Variants in INSL6 observed in about 807,000 individuals in gnomAD.
INSL6 encodes insulin-like peptide INSL6.
Under a neutral mutation model 9.4 loss-of-function variants are expected in INSL6, and 16 were observed. That is an observed-to-expected ratio of 1.70 (90% CI 1.15 to 2.59). The LOEUF (loss-of-function observed/expected upper bound fraction) is 2.59, where lower values mean the gene tolerates loss of function less well. Among genes scored for constraint, INSL6 ranks in the 30% most tolerant of loss-of-function variants. The pLI is 0.00. For missense variants in INSL6, 391 were observed against 257.3 expected (o/e 1.52, Z -3.56); for synonymous variants, 154 against 96.9 (o/e 1.59, Z -3.46).
chr9:5,100,232 C>T, the INSL6 span: 1 of 152,174 alleles, frequency 6.6e-6, no homozygotes, highest in Non-Finnish European at 1.5e-5. Context: ...TATGACAACA[C>T]ATAATGACCC....
the INSL6 span, chr9:5,095,120 C>G: frequency 3.3e-5 from 5 of 152,158 alleles, no homozygotes; most frequent in Non-Finnish European, 7.4e-5. Context: ...CCCTGAGACT[C>G]CAAAATTCTC....
the INSL6 span, chr9:5,112,179 G>C: frequency 2.6e-5 from 7 of 266,026 alleles, no homozygotes; most frequent in Non-Finnish European, 5.3e-5. Context: ...GCCACCGGGC[G>C]CTGGCCTTGG....
chr9:5,105,415 G>C, the INSL6 span, among the ~76,000 whole-genome samples: 1 of 152,130 alleles, frequency 6.6e-6, no homozygotes, highest in East Asian at 1.9e-4. Context: ...AAATACAAGA[G>C]GACACAAACA....
At chr9:5,080,447 T>G in the INSL6 span, 2 of 1,544,690 alleles carry the variant, frequency 1.3e-6, no homozygotes, top group African/African-American at 2.8e-5. Flanking sequence ...TCACATGATT[T>G]GTATTTTTTA....
chr9:5,072,044 G>T, the INSL6 span, among the ~76,000 whole-genome samples: 2 of 152,088 alleles, frequency 1.3e-5, no homozygotes, highest in Non-Finnish European at 2.9e-5. Context: ...TTCAGATGAA[G>T]AAACCACGAC....
chr9:5,036,625 T>G, the INSL6 span, among the ~76,000 whole-genome samples: 2 of 152,268 alleles, frequency 1.3e-5, no homozygotes, highest in South Asian at 2.1e-4. Flanking sequence ...GATTCCCTAT[T>G]TAATAAATGG....
intron 1 of INSL6, among the ~76,000 whole-genome samples, chr9:5,177,533 T>C (rs1590803): frequency 0.37 from 56,358 of 152,046 alleles, 11,571 homozygotes; most frequent in African/African-American, 0.57. Context: ...GTTTTACAGA[T>C]TCTGGCCCTG....
chr9:5,133,121 G>A (rs1824322888), intron 3 of INSL6, among the ~76,000 whole-genome samples: 1 of 152,064 alleles, frequency 6.6e-6, no homozygotes, highest in Admixed American at 6.6e-5. Flanking sequence ...ATCATATAAA[G>A]CACAGAAATA....
chr9:5,049,849 T>C, the INSL6 span, among the ~76,000 whole-genome samples: 3 of 152,248 alleles, frequency 2.0e-5, no homozygotes, highest in Non-Finnish European at 4.4e-5. Flanking sequence ...CAAACTTATA[T>C]AGCATGTTGC....
At chr9:5,113,397 A>T in the INSL6 span, among the ~76,000 whole-genome samples, 1 of 146,946 alleles carries the variant, frequency 6.8e-6, no homozygotes, top group Non-Finnish European at 1.5e-5. Flanking sequence ...ATTTTTTTTA[A>T]GGAAAATAAA....
At chr9:5,017,466 T>C in the INSL6 span, among the ~76,000 whole-genome samples, 2 of 152,226 alleles carry the variant, frequency 1.3e-5, no homozygotes, top group African/African-American at 4.8e-5. Flanking sequence ...TTTCCATCAT[T>C]TTTATAGTTT....
chr9:4,992,239 G>T, the INSL6 span, among the ~76,000 whole-genome samples: 1 of 152,190 alleles, frequency 6.6e-6, no homozygotes, highest in African/African-American at 2.4e-5. Flanking sequence ...ATGTGGCCTG[G>T]ATTTCCTCAC....
chr9:5,029,529 G>C, the INSL6 span, among the ~76,000 whole-genome samples: 7 of 152,158 alleles, frequency 4.6e-5, no homozygotes, highest in African/African-American at 1.7e-4. Flanking sequence ...TCCTTATTTT[G>C]TAAAGAAAAA....
At chr9:4,999,871 C>T in the INSL6 span, among the ~76,000 whole-genome samples, 1 of 152,178 alleles carries the variant, frequency 6.6e-6, no homozygotes, top group Admixed American at 6.5e-5. Context: ...ATTAGATATG[C>T]ATGCTACTAC....
chr9:5,063,891 C>G, the INSL6 span, among the ~76,000 whole-genome samples: 1 of 152,224 alleles, frequency 6.6e-6, no homozygotes, highest in Non-Finnish European at 1.5e-5. Flanking sequence ...GGCATGGTGA[C>G]TCACGCGTGT....
the INSL6 span, among the ~76,000 whole-genome samples, chr9:5,117,031 C>A: frequency 6.6e-6 from 1 of 152,194 alleles, no homozygotes; most frequent in Non-Finnish European, 1.5e-5. Context: ...AGGCTTCATG[C>A]AGCATTTGGC....
At chr9:5,087,381 T>C in the INSL6 span, among the ~76,000 whole-genome samples, 2 of 152,188 alleles carry the variant, frequency 1.3e-5, no homozygotes, top group African/African-American at 2.4e-5. Flanking sequence ...CATGATTCAG[T>C]TGCCTCCCAC....
the INSL6 span, among the ~76,000 whole-genome samples, chr9:5,038,380 C>CA: frequency 1.6e-4 from 24 of 151,992 alleles, no homozygotes; most frequent in African/African-American, 4.3e-4. Flanking sequence ...TAGTTATTCA[C>CA]AAAAAATAGA....
chr9:5,135,069 A>C (rs569596680), intron 2 of INSL6, among the ~76,000 whole-genome samples: 1 of 152,294 alleles, frequency 6.6e-6, no homozygotes, highest in South Asian at 2.1e-4. Flanking sequence ...TAAACCAACG[A>C]AGATCAAGAG....
Sources: allele counts gnomAD v4.1 joint callset (sites outside exome capture counted in the v4.1 genomes callset), GRCh38; gene constraint gnomAD v4.1.1; transcripts MANE v1.5; gene names NCBI Gene and HGNC (gene_info 2026-07-23, HGNC 2026-07-21).